Variants in ZBTB11 observed in about 807,000 individuals in gnomAD.
The protein encoded by ZBTB11 is zinc finger and BTB domain containing 11.
ZBTB11 carries 68 observed loss-of-function variants against 113.1 expected under a neutral mutation model. That is an observed-to-expected ratio of 0.60 (90% CI 0.49 to 0.74). ZBTB11 has a LOEUF of 0.74. Among genes scored for constraint, ZBTB11 ranks in the 30% least tolerant of loss-of-function variants. The pLI is 0.00. For missense variants in ZBTB11, 1,104 were observed against 1,279.4 expected, an observed-to-expected ratio of 0.86 and a Z score of 2.09; for synonymous variants, 518 against 452.6, an observed-to-expected ratio of 1.14 and a Z score of -1.83.
At chr3:101,667,587 C>G (rs1937017552) in intron 3 of ZBTB11, among the ~76,000 whole-genome samples, 1 of 151,974 alleles carries the variant, frequency 6.6e-6, no homozygotes, top group Admixed American at 6.6e-5. Flanking sequence ...AGGACTCAGG[C>G]TGAAAAAAAC....
Position 101,659,933 on chromosome 3 carries a change from G to A in ZBTB11, c.1896C>T (p.Ser632=). The change falls in exon 6 of 11, where the codon TCC becomes TCT. Residue 632 remains serine, a synonymous_variant. Transcript: ENST00000312938. The part of the protein sequence containing the change: ...KDAPSSSSSN[S]TSNEASGTSS... ...ATGTTCCCGATGCTTCATTAGACGT[G>A]GAATTGGACGAGGATGAAGAGGGTG... 1 of 1,614,120 alleles carries A rather than the reference G, an allele frequency of 6.2e-7. No individual in the cohort carries two copies. Among genetic ancestry groups the A allele is most frequent in the South Asian group, 1.1e-5 (1 of 91,070 alleles).
chr3:101,671,167 TC>T lies in ZBTB11; in HGVS notation c.740del (p.Gly247GlufsTer32). 1 of 1,614,156 alleles carries T rather than the reference TC, an allele frequency of 6.2e-7. No homozygotes were observed. The highest frequency in any genetic ancestry group is 8.5e-7 in the Non-Finnish European group (1 of 1,180,012). ...CCACAGCCTCATGACTGGAAACAGCTCCTTTCTCAATAAAAAGATCTCGAAA... is the reference window on the plus strand; with the variant it reads ...CCACAGCCTCATGACTGGAAACAGCTCTTTCTCAATAAAAAGATCTCGAAA... ...EYFRDLFIEK[G>X]AVSSHEAVVD... On this transcript the variant is annotated frameshift_variant, in exon 3 of 11. Transcript: ENST00000312938. LOFTEE classifies it high-confidence loss of function.
chr3:101,664,468 A>G (rs1286438222), intron 5 of ZBTB11, 70 bp downstream of exon 5: 38 of 1,424,172 alleles, frequency 2.7e-5, no homozygotes, highest in Non-Finnish European at 7.6e-6. Context: ...CGAAAAGATA[A>G]CCATGCAGTA....
Position 101,656,135 on chromosome 3 carries a change from C to A in ZBTB11, c.2160G>T (p.Arg720=). ...ELCVKSFVTK[R]SLQEHMSIHT... ...GAATACTCATATGTTCTTGAAGACT[C>A]CGTTTGGTAACAAATGACTTAACAC... Residue 720 remains arginine (R), a synonymous_variant, in exon 7 of 11, where the codon CGG becomes CGT. Coordinates refer to ENST00000312938, the MANE Select transcript of ZBTB11 (RefSeq NM_014415.4). The A allele has an allele frequency of 1.3e-6, 2 of 1,591,142 alleles. No individual in the cohort carries two copies. Among genetic ancestry groups the A allele is most frequent in the Non-Finnish European group, 1.7e-6 (2 of 1,170,386 alleles).
chr3:101,665,533 T>C lies in ZBTB11; in HGVS notation c.1054A>G (p.Thr352Ala), dbSNP rs751306577. 6 of 1,614,186 alleles carry C rather than the reference T, an allele frequency of 3.7e-6. No homozygotes were observed. The Admixed American group carries it at 1.0e-4, about 27-fold the overall frequency. ...PPVASSEGTT[T>A]SLPTELGDCE... ...TCCCCAAGTTCAGTAGGTAAACTTG[T>C]TGTGGTTCCCTCACTGCTAGCAACA... The change falls in exon 4 of 11, where the codon ACA becomes GCA. Residue 352 changes from threonine to alanine, a missense_variant. Physicochemically the swap from Thr to Ala is moderately conservative, Grantham distance 58 (BLOSUM62 0). Coordinates refer to ENST00000312938, the MANE Select transcript of ZBTB11 (RefSeq NM_014415.4).
At chr3:101,667,250 A>G (rs1038733331) in intron 3 of ZBTB11, among the ~76,000 whole-genome samples, 2 of 152,134 alleles carry the variant, frequency 1.3e-5, no homozygotes, top group East Asian at 1.9e-4. Context: ...ATGTTGTCTC[A>G]GCTGATCTTG....
chr3:101,667,870 C>A (rs538840273), intron 3 of ZBTB11, among the ~76,000 whole-genome samples: 1 of 152,170 alleles, frequency 6.6e-6, no homozygotes. Flanking sequence ...TGGGTATCTA[C>A]CCAAAGAAAA....
chr3:101,660,310 T>C (rs1936867006), intron 5 of ZBTB11, among the ~76,000 whole-genome samples: 2 of 152,156 alleles, frequency 1.3e-5, no homozygotes, highest in Non-Finnish European at 2.9e-5. Context: ...CTATCATTAG[T>C]ATGAGTACTA....
At chr3:101,661,417 C>G (rs1351752642) in intron 5 of ZBTB11, among the ~76,000 whole-genome samples, 2 of 152,142 alleles carry the variant, frequency 1.3e-5, no homozygotes, top group African/African-American at 2.4e-5. Flanking sequence ...TGTCTGTCAA[C>G]AGCTTCCTGA....
At chr3:101,670,909 A>G (rs940608903) in intron 3 of ZBTB11, 14 of 482,560 alleles carry the variant, frequency 2.9e-5, no homozygotes, top group South Asian at 2.6e-4. Context: ...TTTTTCTGCT[A>G]TAATTGTCTC....
chr3:101,665,291 GTTA>G lies in ZBTB11; in HGVS notation c.1293_1295del (p.Asn432del), dbSNP rs759166027. 1.7e-5 allele frequency: 28 copies of G among 1,614,030 alleles called. No individual in the cohort carries two copies. The highest frequency in any genetic ancestry group is 2.4e-5 in the Non-Finnish European group (28 of 1,180,018). On this transcript the variant is annotated inframe_deletion, in exon 4 of 11. Transcript: ENST00000312938. ...GTTTAGGGTGTATATTAGAAACTGT[GTTA>G]TTTTCTCTGTTGTTTGAAGTTTCTA... is the stretch of plus-strand genomic sequence containing the variant.
chr3:101,672,351 G>T, intron 1 of ZBTB11, 138 bp from the exon 2 acceptor site: 3 of 591,700 alleles, frequency 5.1e-6, no homozygotes, highest in Non-Finnish European at 8.6e-6. Context: ...GAGTTTATTA[G>T]AATGTAAAAT....
At chr3:101,666,325 G>A (rs527743035) in intron 3 of ZBTB11, among the ~76,000 whole-genome samples, 56 of 152,286 alleles carry the variant, frequency 3.7e-4, no homozygotes, top group Admixed American at 2.0e-3. Flanking sequence ...TTTCTGTTAA[G>A]AGTAAGATAA....
chr3:101,665,628 T>C lies in ZBTB11; in HGVS notation c.959A>G (p.Lys320Arg). Reference protein sequence around the residue: ...LMEEKQLTVYKKGEVQTVAST... With the variant: ...LMEEKQLTVYRKGEVQTVAST... ...TGCAACTGTTTGTACTTCGCCCTTC[T>C]TATATACTGTTAGCTGCTTCTCTTC... is the stretch of plus-strand genomic sequence containing the variant. The change falls in exon 4 of 11, where the codon AAG (lysine) becomes AGG (arginine). Residue 320 changes from lysine to arginine, a missense_variant. Physicochemically the swap from Lys to Arg is conservative, Grantham distance 26. Around this residue, in one of 5 missense-constraint regions of ZBTB11, gnomAD observed 86 missense variants for 131.0 expected, o/e 0.66. Coordinates refer to ENST00000312938, the MANE Select transcript of ZBTB11 (RefSeq NM_014415.4). 4 of 1,614,242 alleles carry C rather than the reference T, an allele frequency of 2.5e-6. No homozygotes were observed. The African/African-American group carries it at 5.3e-5, about 22-fold the overall frequency.
chr3:101,659,756 A>C, intron 6 of ZBTB11, 27 bp downstream of exon 6: 1 of 1,610,762 alleles, frequency 6.2e-7, no homozygotes, highest in Non-Finnish European at 8.5e-7. Context: ...TGTTCTTTAA[A>C]TAGCAAAATA....
intron 3 of ZBTB11, among the ~76,000 whole-genome samples, chr3:101,666,968 CTCTA>C (rs1439013992): frequency 1.3e-5 from 2 of 152,148 alleles, no homozygotes; most frequent in Non-Finnish European, 2.9e-5. Flanking sequence ...CCAGGATGGT[CTCTA>C]TCTCTTGACC....
Position 101,671,356 on chromosome 3 carries a change from G to A in ZBTB11, c.552C>T (p.Asp184=). The A allele has an allele frequency of 6.2e-7, 1 of 1,613,270 alleles. No individual in the cohort carries two copies. The highest frequency in any genetic ancestry group is 8.5e-7 in the Non-Finnish European group (1 of 1,179,364). ...PVSKHELVFV[D]TKGVVKRSSP... ...AAGAACGTTTTACCACTCCTTTGGT[G>A]TCAACCTGTCAAAATAAGTTTGAGA... The change falls in exon 3 of 11, where the codon GAC becomes GAT. Residue 184 remains aspartate (D), a synonymous_variant. Transcript: ENST00000312938.
chr3:101,676,279 G>C (rs1937168964), intron 1 of ZBTB11, among the ~76,000 whole-genome samples: 1 of 131,146 alleles, frequency 7.6e-6, no homozygotes, highest in African/African-American at 3.0e-5. Flanking sequence ...CAGAGGGCCG[G>C]GGCCTACAGC....
chr3:101,676,415 G>C, intron 1 of ZBTB11, 190 bp downstream of exon 1: 1 of 568,522 alleles, frequency 1.8e-6, no homozygotes, highest in African/African-American at 2.0e-5. Context: ...CCCCAGCTTC[G>C]CCGGCCTCCT....
Sources: allele counts gnomAD v4.1 joint callset (sites outside exome capture counted in the v4.1 genomes callset), GRCh38; gene constraint gnomAD v4.1.1; regional missense constraint gnomAD v4.1.1; transcripts MANE v1.5; gene names NCBI Gene and HGNC (gene_info 2026-07-23, HGNC 2026-07-21).